Variants in VPS13B observed in about 807,000 individuals in gnomAD.
VPS13B encodes vacuolar protein sorting 13 homolog B.
VPS13B carries 285 observed loss-of-function variants against 426.4 expected under a neutral mutation model. The observed-to-expected ratio is 0.67, with a 90% CI of 0.61 to 0.74. VPS13B has a LOEUF of 0.74. Among genes scored for constraint, VPS13B ranks in the 30% least tolerant of loss-of-function variants. The pLI, the probability that VPS13B is intolerant of heterozygous loss-of-function variation, is 0.00. For missense variants in VPS13B, 4,537 were observed against 4,782.6 expected, an observed-to-expected ratio of 0.95 and a Z score of 1.51; for synonymous variants, 1,676 against 1,676.4, an observed-to-expected ratio of 1.00 and a Z score of 0.01.
At chr8:99,308,967 C>A (rs1343066557) in intron 19 of VPS13B, among the ~76,000 whole-genome samples, 1 of 152,192 alleles carries the variant, frequency 6.6e-6, no homozygotes, top group Non-Finnish European at 1.5e-5. Flanking sequence ...CTGTGGGCTG[C>A]ATACGTGTCT....
rs1162702134 is a variant in VPS13B, at chr8:99,742,483, G to A, written c.7050+21436G>A. On this transcript the variant is annotated intron_variant, in intron 39 of 61. Transcript: ENST00000357162. The stretch of plus-strand genomic sequence containing the variant: ...CTCCCTAACTCATTTTATGAGGCCA[G>A]CATCATCCTGATACCAAAGCCTGGC... Among the ~76,000 whole-genome samples, 4 of 152,308 alleles carry A rather than the reference G, an allele frequency of 2.6e-5. No homozygotes were observed. In the East Asian group the frequency reaches 7.7e-4, roughly 29 times the overall value.
At chr8:99,653,159 G>T (rs1202346118) in intron 34 of VPS13B, among the ~76,000 whole-genome samples, 1 of 152,116 alleles carries the variant, frequency 6.6e-6, no homozygotes, top group Non-Finnish European at 1.5e-5. Context: ...TTAAATCTGA[G>T]TTTCAAGTGA....
intron 9 of VPS13B, 103 bp downstream of exon 9, chr8:99,134,830 G>T (rs1382043607): frequency 1.7e-6 from 2 of 1,200,576 alleles, no homozygotes; most frequent in Non-Finnish European, 2.4e-6. Context: ...ATACAAGTAA[G>T]ATGTTTGTTT....
intron 19 of VPS13B, among the ~76,000 whole-genome samples, chr8:99,318,250 A>G (rs910078819): frequency 6.6e-6 from 1 of 152,190 alleles, no homozygotes; most frequent in Admixed American, 6.5e-5. Flanking sequence ...GAGCATACTG[A>G]TATTGAATAA....
At chr8:99,187,755 G>T (rs922120711) in intron 16 of VPS13B, among the ~76,000 whole-genome samples, 4 of 152,140 alleles carry the variant, frequency 2.6e-5, no homozygotes, top group African/African-American at 9.7e-5. Flanking sequence ...GATTGCTTGA[G>T]CCCAGGAGTT....
chr8:99,492,516 G>T (rs1588434359), intron 25 of VPS13B, among the ~76,000 whole-genome samples: 1 of 152,312 alleles, frequency 6.6e-6, no homozygotes, highest in East Asian at 1.9e-4. Flanking sequence ...GTTGCGGTGG[G>T]CTCTGCCCAG....
chr8:99,060,509 T>TA (rs901920197), intron 3 of VPS13B, among the ~76,000 whole-genome samples: 1 of 151,756 alleles, frequency 6.6e-6, no homozygotes, highest in African/African-American at 2.4e-5. Flanking sequence ...CTCAGGAGGC[T>TA]GAGGTGGGGG....
chr8:99,271,737 A>T (rs1274792276), intron 17 of VPS13B, among the ~76,000 whole-genome samples: 1 of 152,146 alleles, frequency 6.6e-6, no homozygotes, highest in Non-Finnish European at 1.5e-5. Context: ...CAGGAGAGAG[A>T]ATTGCCAACG....
At chr8:99,188,595 G>T (rs1258397691) in intron 16 of VPS13B, among the ~76,000 whole-genome samples, 2 of 152,088 alleles carry the variant, frequency 1.3e-5, no homozygotes, top group Non-Finnish European at 2.9e-5. Context: ...ATATACCTAT[G>T]AATATAATTG....
chr8:99,763,135 C>CAAAAAAAAAAAAAA (rs750289763), intron 39 of VPS13B, among the ~76,000 whole-genome samples: 14 of 35,830 alleles, frequency 3.9e-4, no homozygotes, highest in African/African-American at 2.0e-3. Flanking sequence ...GACCTTGTCT[C>CAAAAAAAAAAAAAA]AAAAAAAAAA....
chr8:99,080,023 A>C (rs1323768179), intron 3 of VPS13B, among the ~76,000 whole-genome samples: 1 of 150,608 alleles, frequency 6.6e-6, no homozygotes, highest in African/African-American at 2.4e-5. Context: ...ATAATGTGTA[A>C]ATATATACTT....
intron 23 of VPS13B, among the ~76,000 whole-genome samples, chr8:99,454,576 A>T (rs1465434824): frequency 1.3e-5 from 2 of 152,208 alleles, no homozygotes; most frequent in Non-Finnish European, 2.9e-5. Context: ...TGGCAATTTT[A>T]AATAAAGCCG....
chr8:99,287,023 C>T (rs1053590898), intron 19 of VPS13B, among the ~76,000 whole-genome samples: 1 of 152,050 alleles, frequency 6.6e-6, no homozygotes, highest in Non-Finnish European at 1.5e-5. Context: ...ATACCTGGAA[C>T]GTGCCAGAAT....
chr8:99,713,449 A>C (rs1474955466), intron 36 of VPS13B, among the ~76,000 whole-genome samples: 1 of 152,244 alleles, frequency 6.6e-6, no homozygotes, highest in Non-Finnish European at 1.5e-5. Context: ...AGAGGTGCTT[A>C]GCAAGTTTCT....
chr8:99,326,085 G>A (rs3110395), intron 19 of VPS13B, among the ~76,000 whole-genome samples: 110,254 of 151,882 alleles, frequency 0.73, 40,653 homozygotes, highest in Middle Eastern at 0.83. Context: ...TTTCCTTCTT[G>A]GCAATTTCTT....
At position 99,642,032 on chromosome 8, in the gene VPS13B, A is replaced by G. The variant is rs777848504; in HGVS notation, c.5442A>G (p.Ile1814Met). The G allele has an allele frequency of 6.2e-7, 1 of 1,614,066 alleles. No homozygotes were observed. The highest frequency in any genetic ancestry group is 1.1e-5 in the South Asian group (1 of 91,084). The change falls in exon 34 of 62, where the codon ATA becomes ATG. Residue 1814 changes from isoleucine (I) to methionine (M), a missense_variant. Transcript: ENST00000357162. ...ATCTAAATTTTATTCCCTTTGACAT[A>G]TTTATTACTGCAAGTAGAATCTCAC... Reference protein sequence around the residue: ...VKNLNFIPFDIFITASRISLM... With the variant: ...VKNLNFIPFDMFITASRISLM...
rs1563838982 is a variant in VPS13B, at chr8:99,640,061, GAAAAGAAAAGAAA to G, written c.5221-1748_5221-1736del. ...AGAAGAAGAAGAAGAGAAAAGAAAAGAAAAGAAAAGAAAAGAAAAGAAAAGAAAAGAAAAGAAA... is the reference window on the plus strand; with the variant it reads ...AGAAGAAGAAGAAGAGAAAAGAAAAGAGAAAAGAAAAGAAAAGAAAAGAAA... On this transcript the variant is annotated intron_variant, in intron 33 of 61. Coordinates refer to ENST00000357162, the MANE Select transcript of VPS13B (RefSeq NM_152564.5). 2.3e-3 allele frequency among the ~76,000 whole-genome samples: 252 copies of G among 108,450 alleles called. 5 individuals carry two copies. Among genetic ancestry groups the G allele is most frequent in the South Asian group, 0.019 (66 of 3,392 alleles). 71.1% of individuals were successfully genotyped at this position (108,450 alleles called of 152,430 possible). A position where few individuals can be genotyped will look rare whatever the true frequency, so the allele number is the denominator to read the frequency against.
At chr8:99,271,263 T>G (rs1818592283) in intron 17 of VPS13B, among the ~76,000 whole-genome samples, 1 of 151,962 alleles carries the variant, frequency 6.6e-6, no homozygotes, top group South Asian at 2.1e-4. Context: ...ATGATTGTAT[T>G]AGCATTTTTG....
chr8:99,053,295 C>T (rs930412074), intron 3 of VPS13B, among the ~76,000 whole-genome samples: 10 of 152,044 alleles, frequency 6.6e-5, no homozygotes, highest in South Asian at 2.1e-4. Flanking sequence ...CCCCGCTCCC[C>T]GCACCCCACA....
Sources: allele counts gnomAD v4.1 joint callset (sites outside exome capture counted in the v4.1 genomes callset), GRCh38; gene constraint gnomAD v4.1.1; transcripts MANE v1.5; gene names NCBI Gene and HGNC (gene_info 2026-07-23, HGNC 2026-07-21).